DPF3: variants seen among roughly 807,000 people sequenced by gnomAD.
DPF3 encodes double PHD fingers 3.
Under a neutral mutation model 56.8 loss-of-function variants are expected in DPF3, and 18 were observed. That is an observed-to-expected ratio of 0.32 (90% CI 0.22 to 0.47). The LOEUF (loss-of-function observed/expected upper bound fraction) is 0.47, where lower values mean the gene tolerates loss of function less well. DPF3 is among the 20% of genes least tolerant of loss of function. The probability of loss-of-function intolerance (pLI) is 1.00; values close to 1 mark genes in which losing one functional copy is unlikely to be tolerated. For synonymous variants in DPF3, 188 were observed against 180.2 expected (o/e 1.04, Z -0.35); for missense variants, 403 against 488.8 (o/e 0.82, Z 1.65).
chr14:72,751,826 A>G (rs529374783), intron 3 of DPF3, among the ~76,000 whole-genome samples: 2 of 152,200 alleles, frequency 1.3e-5, no homozygotes, highest in East Asian at 1.9e-4. Context: ...TTATATTTCT[A>G]TTGCATCATG....
intron 1 of DPF3, among the ~76,000 whole-genome samples, chr14:72,863,895 G>A (rs74612750): frequency 0.024 from 3,660 of 152,302 alleles, 55 homozygotes; most frequent in Non-Finnish European, 0.038. Flanking sequence ...ATAGACACTG[G>A]AAGAGCTCAT....
chr14:72,885,402 GT>G (rs1886507443), intron 1 of DPF3, among the ~76,000 whole-genome samples: 1 of 140,484 alleles, frequency 7.1e-6, no homozygotes, highest in Non-Finnish European at 1.6e-5. Context: ...TTGTTTGTTT[GT>G]TTGTTTTTTG....
chr14:72,753,198 C>A, intron 3 of DPF3, 66 bp downstream of exon 3: 1 of 1,499,220 alleles, frequency 6.7e-7, no homozygotes, highest in South Asian at 1.2e-5. Context: ...CAACCTTGTC[C>A]TGGGCCCAGC....
intron 1 of DPF3, among the ~76,000 whole-genome samples, chr14:72,846,634 C>G (rs1174635442): frequency 9.6e-6 from 1 of 104,114 alleles, no homozygotes; most frequent in South Asian, 3.6e-4. Context: ...CCACGCCCAG[C>G]CTAGGATAGT....
At chr14:72,790,280 C>T (rs1230898409) in intron 1 of DPF3, among the ~76,000 whole-genome samples, 2 of 152,142 alleles carry the variant, frequency 1.3e-5, no homozygotes, top group African/African-American at 4.8e-5. Flanking sequence ...TTACTACCTG[C>T]TTTTCTCAAT....
rs1415064566 is a variant in DPF3, at chr14:72,640,114, G to A, written c.872-10378C>T. 2.1e-5 allele frequency among the ~76,000 whole-genome samples: 3 copies of A among 142,824 alleles called. No individual in the cohort carries two copies. The Admixed American group carries it at 2.2e-4, about 10-fold the overall frequency. The allele number at this position is 142,824 out of a possible 152,430, so 93.7% of individuals were successfully genotyped here. ...GCATTACAGGGAAAGGCAACAGCAGGAAATATAAGGTGCATGGTCCACTCA... is the reference window on the plus strand; with the variant it reads ...GCATTACAGGGAAAGGCAACAGCAGAAAATATAAGGTGCATGGTCCACTCA... On this transcript the variant is annotated intron_variant, in intron 8 of 10. Coordinates refer to ENST00000556509, the MANE Select transcript of DPF3 (RefSeq NM_001280542.3).
At chr14:72,662,320 T>C in intron 8 of DPF3, 1 of 984,962 alleles carries the variant, frequency 1.0e-6, no homozygotes, top group Non-Finnish European at 1.2e-6. Flanking sequence ...TGCAGTCTTT[T>C]ATTTTACATT....
At chr14:72,703,413 T>C (rs765770110) in intron 6 of DPF3, among the ~76,000 whole-genome samples, 1 of 152,070 alleles carries the variant, frequency 6.6e-6, no homozygotes, top group Non-Finnish European at 1.5e-5. Flanking sequence ...TCCTGCTTAT[T>C]TTGGGAATTT....
chr14:72,730,643 T>C (rs1439811196), intron 4 of DPF3, among the ~76,000 whole-genome samples: 1 of 151,628 alleles, frequency 6.6e-6, no homozygotes, highest in Non-Finnish European at 1.5e-5. Context: ...TTTTAATAAA[T>C]TAATATATAA....
chr14:72,638,973 T>C (rs2247658), intron 8 of DPF3, among the ~76,000 whole-genome samples: 78,389 of 151,886 alleles, frequency 0.52, 21,043 homozygotes, highest in East Asian at 0.77. Context: ...CCCGCCACCA[T>C]GCCTGGCTAA....
intron 8 of DPF3, among the ~76,000 whole-genome samples, chr14:72,669,047 G>A (rs977033485): frequency 7.2e-5 from 11 of 152,186 alleles, no homozygotes; most frequent in Admixed American, 6.5e-4. Context: ...AAGTGGTTGG[G>A]ATTGTTACTT....
At chr14:72,693,839 T>C (rs2153573120) in intron 6 of DPF3, among the ~76,000 whole-genome samples, 1 of 152,316 alleles carries the variant, frequency 6.6e-6, no homozygotes, top group Admixed American at 6.5e-5. Context: ...AGAAAAGTTT[T>C]ATCTGGATAA....
chr14:72,709,273 C>A (rs1483738914), intron 6 of DPF3, among the ~76,000 whole-genome samples: 1 of 152,164 alleles, frequency 6.6e-6, no homozygotes, highest in Non-Finnish European at 1.5e-5. Context: ...TGAGAGGGCC[C>A]GCTCCTGGTG....
intron 1 of DPF3, among the ~76,000 whole-genome samples, chr14:72,851,958 G>A (rs1477266405): frequency 6.6e-6 from 1 of 152,262 alleles, no homozygotes. Flanking sequence ...TCTCTTCAAA[G>A]CATAGAGCAA....
At chr14:72,740,351 C>T (rs892289159) in intron 3 of DPF3, among the ~76,000 whole-genome samples, 4 of 152,168 alleles carry the variant, frequency 2.6e-5, no homozygotes, top group Admixed American at 6.5e-5. Context: ...TGAAGGGGGT[C>T]GGAGCAGATG....
chr14:72,665,761 G>A (rs887873700), intron 8 of DPF3, among the ~76,000 whole-genome samples: 1 of 152,228 alleles, frequency 6.6e-6, no homozygotes, highest in Non-Finnish European at 1.5e-5. Context: ...TTTGCATAAG[G>A]TCTGTAGGTT....
At chr14:72,888,059 A>ATG (rs907341429) in intron 1 of DPF3, among the ~76,000 whole-genome samples, 1 of 152,148 alleles carries the variant, frequency 6.6e-6, no homozygotes, top group African/African-American at 2.4e-5. Context: ...GGGATTAGAC[A>ATG]TGTGCCAGCA....
At chr14:72,748,947 T>C (rs1457351535) in intron 3 of DPF3, among the ~76,000 whole-genome samples, 1 of 152,234 alleles carries the variant, frequency 6.6e-6, no homozygotes, top group Non-Finnish European at 1.5e-5. Flanking sequence ...GAACCTCTGC[T>C]AGGCAGTGTG....
At chr14:72,841,663 T>C (rs1884547016) in intron 1 of DPF3, among the ~76,000 whole-genome samples, 1 of 152,190 alleles carries the variant, frequency 6.6e-6, no homozygotes, top group South Asian at 2.1e-4. Context: ...CAAGAGCCTC[T>C]CTGAAAAGAA....
Sources: gnomAD v4.1 joint callset for allele counts (sites outside exome capture counted in the v4.1 genomes callset) on GRCh38, gnomAD v4.1.1 for gene constraint, MANE v1.5 for transcripts, NCBI Gene and HGNC (gene_info 2026-07-23, HGNC 2026-07-21) for gene names.